GEMIN8: variants seen among roughly 807,000 people sequenced by gnomAD.
GEMIN8 encodes the protein gem-associated protein 8.
For missense variants in GEMIN8, 185 were observed against 205.9 expected, an observed-to-expected ratio of 0.90 and a Z score of 0.62; for synonymous variants, 80 against 78.5, an observed-to-expected ratio of 1.02 and a Z score of -0.10.
intron 1 of GEMIN8, among the ~76,000 whole-genome samples, chrX:14,027,536 A>C (rs779621946): frequency 2.6e-4 from 29 of 112,705 alleles, no homozygotes; most frequent in Admixed American, 2.3e-3. Context: ...ACTGAGTTTT[A>C]TTTTCTTTTC....
At chrX:14,013,365 G>A (rs1923691902) in intron 4 of GEMIN8, among the ~76,000 whole-genome samples, 1 of 112,121 alleles carries the variant, frequency 8.9e-6, no homozygotes, top group Non-Finnish European at 1.9e-5. Context: ...CTTTTATAGG[G>A]TATTTTGGCA....
chrX:14,021,137 T>C (rs1924279085), intron 3 of GEMIN8, among the ~76,000 whole-genome samples: 1 of 106,477 alleles, frequency 9.4e-6, no homozygotes, highest in African/African-American at 3.4e-5. Flanking sequence ...CAGCAAACTA[T>C]CGCAAGGACA....
At chrX:14,023,156 T>G (rs750242010) in intron 2 of GEMIN8, among the ~76,000 whole-genome samples, 17 of 112,110 alleles carry the variant, frequency 1.5e-4, no homozygotes, top group African/African-American at 5.2e-4. Flanking sequence ...AATCTATAAT[T>G]TTAATGTTTT....
chrX:13,996,933 CTT>C, the GEMIN8 span, among the ~76,000 whole-genome samples: 7 of 66,890 alleles, frequency 1.0e-4, no homozygotes, highest in African/African-American at 2.5e-4. Context: ...TGTGGCTTGT[CTT>C]TTTTTTTTTT....
the GEMIN8 span, among the ~76,000 whole-genome samples, chrX:13,999,426 G>C: frequency 1.8e-5 from 2 of 109,670 alleles, no homozygotes; most frequent in African/African-American, 6.6e-5. Context: ...ACAGGCATGT[G>C]TCACCACGCC....
At chrX:14,003,999 A>G (rs1400239917), downstream of GEMIN8, among the ~76,000 whole-genome samples, 2 of 112,185 alleles carry the variant, frequency 1.8e-5, no homozygotes, top group Non-Finnish European at 3.8e-5. Context: ...TAAAGAAATT[A>G]AACATTAGAC....
the GEMIN8 span, among the ~76,000 whole-genome samples, chrX:14,001,582 G>A: frequency 2.7e-5 from 3 of 111,207 alleles, no homozygotes; most frequent in Non-Finnish European, 5.7e-5. Context: ...GTGCAGTGGC[G>A]CAATCTGGGC....
intron 4 of GEMIN8, among the ~76,000 whole-genome samples, chrX:14,013,097 G>C (rs1383643929): frequency 2.7e-5 from 3 of 112,177 alleles, no homozygotes; most frequent in Non-Finnish European, 5.6e-5. Flanking sequence ...TGGAGTATCA[G>C]AGTTTGAAGG....
chrX:14,016,866 A>AATATATATATATAT (rs61127994), intron 4 of GEMIN8, among the ~76,000 whole-genome samples: 1 of 57,170 alleles, frequency 1.7e-5, no homozygotes, highest in African/African-American at 7.8e-5. Context: ...AAAAAAAAAA[A>AATATATATATATAT]ATATATATAT....
chrX:14,024,620 C>CA (rs1226495308), intron 2 of GEMIN8, among the ~76,000 whole-genome samples: 3 of 111,755 alleles, frequency 2.7e-5, no homozygotes, highest in Non-Finnish European at 3.8e-5. Context: ...CCTCAGAGAT[C>CA]ACCCAGGTAC....
chrX:14,015,194 G>A (rs1373019969), intron 4 of GEMIN8, among the ~76,000 whole-genome samples: 3 of 111,291 alleles, frequency 2.7e-5, no homozygotes, highest in Non-Finnish European at 5.7e-5. Flanking sequence ...CTCTTTTGAG[G>A]GTGACTTCCA....
chrX:14,016,672 C>T (rs1448411593), intron 4 of GEMIN8, among the ~76,000 whole-genome samples: 1 of 105,201 alleles, frequency 9.5e-6, no homozygotes, highest in Non-Finnish European at 1.9e-5. Flanking sequence ...TGGTGAAACA[C>T]CATCTCTACT....
intron 2 of GEMIN8, among the ~76,000 whole-genome samples, chrX:14,021,941 T>C (rs1343071777): frequency 1.0e-5 from 1 of 98,044 alleles, no homozygotes; most frequent in African/African-American, 3.8e-5. Flanking sequence ...TATACACACA[T>C]ATATATGTAT....
chrX:14,019,633 T>C (rs1924164215), intron 4 of GEMIN8, among the ~76,000 whole-genome samples: 1 of 111,742 alleles, frequency 8.9e-6, no homozygotes, highest in Admixed American at 9.5e-5. Context: ...GAAGTAGAGG[T>C]AGGCAGATTT....
At chrX:13,991,895 T>C in the GEMIN8 span, among the ~76,000 whole-genome samples, 2 of 112,350 alleles carry the variant, frequency 1.8e-5, no homozygotes, top group Admixed American at 1.9e-4. Flanking sequence ...CTAATCCCTA[T>C]TGACTCTTTC....
chrX:14,021,814 G>GTGTATATATATA (rs372889181), intron 2 of GEMIN8, among the ~76,000 whole-genome samples: 20 of 78,268 alleles, frequency 2.6e-4, no homozygotes, highest in African/African-American at 1.0e-3. Flanking sequence ...TAATGTGTGT[G>GTGTATATATATA]TATATATATA....
At chrX:14,006,332 G>C (rs1198466654), downstream of GEMIN8, among the ~76,000 whole-genome samples, 2 of 110,938 alleles carry the variant, frequency 1.8e-5, no homozygotes, top group Non-Finnish European at 3.8e-5. Context: ...CCCGGCCTGA[G>C]CTAGAGACAT....
At position 14,029,199 on chromosome X, in the gene GEMIN8, C is replaced by T. The variant is rs765366110; in HGVS notation, c.-116+578G>A. ...AGACACAAGGCCCATAAACTGTAGG[C>T]GCCAGATGTCTCAAGATAACTCCCA... is the stretch of plus-strand genomic sequence containing the variant. On this transcript the variant is annotated intron_variant, in intron 1 of 4. Transcript: ENST00000680255. 4.5e-5 allele frequency among the ~76,000 whole-genome samples: 5 copies of T among 112,172 alleles called. No individual in the cohort carries two copies. The Admixed American group carries it at 4.7e-4, about 11-fold the overall frequency.
rs1054398811 is a variant in GEMIN8, at chrX:14,029,840, G to A, written c.-179C>T. On this transcript the variant is annotated 5_prime_UTR_variant, in exon 1 of 5. Transcript: ENST00000680255. ...GCGCAGGGGCCTAGTTTTCCTTGGA[G>A]AGACAGAGGGGGAGTGGGGGACGCG... is the stretch of plus-strand genomic sequence containing the variant. The A allele has an allele frequency of 8.8e-6, 1 of 113,362 alleles. No individual in the cohort carries two copies. Among genetic ancestry groups the A allele is most frequent in the Non-Finnish European group, 1.9e-5 (1 of 53,385 alleles). The allele number at this position is 113,362 out of a possible 1,213,427, so 9.3% of individuals were successfully genotyped here.
Sources: allele counts gnomAD v4.1 joint callset (sites outside exome capture counted in the v4.1 genomes callset), GRCh38; gene constraint gnomAD v4.1.1; transcripts MANE v1.5; gene names NCBI Gene and HGNC (gene_info 2026-07-23, HGNC 2026-07-21).